Variants in MIER3 observed in about 807,000 individuals in gnomAD.
MIER3 encodes mesoderm induction early response protein 3.
Under a neutral mutation model 63.2 loss-of-function variants are expected in MIER3, and 9 were observed. The ratio of observed to expected loss-of-function variants is 0.14; its 90% CI spans 0.09 to 0.25. The LOEUF (loss-of-function observed/expected upper bound fraction) is 0.25. Among genes scored for constraint, MIER3 ranks in the 10% least tolerant of loss-of-function variants. The pLI, the probability that MIER3 is intolerant of heterozygous loss-of-function variation, is 1.00. For missense variants in MIER3, 512 were observed against 666.2 expected, an observed-to-expected ratio of 0.77 and a Z score of 2.55; for synonymous variants, 205 against 224.9, an observed-to-expected ratio of 0.91 and a Z score of 0.79.
intron 2 of MIER3, among the ~76,000 whole-genome samples, chr5:56,949,654 A>G (rs1750949270): frequency 6.6e-6 from 1 of 152,224 alleles, no homozygotes; most frequent in African/African-American, 2.4e-5. Context: ...GGTGGAGCAG[A>G]TACAAAAAGT....
intron 10 of MIER3, among the ~76,000 whole-genome samples, chr5:56,927,118 CAT>C (rs58623268): frequency 0.095 from 14,461 of 152,106 alleles, 1,019 homozygotes; most frequent in East Asian, 0.35. Flanking sequence ...AAGAATAAAA[CAT>C]GAGATTTTCA....
At chr5:56,937,435 A>G (rs1750485450) in intron 5 of MIER3, 143 bp downstream of exon 5, 1 of 860,248 alleles carries the variant, frequency 1.2e-6, no homozygotes, top group Admixed American at 3.7e-5. Flanking sequence ...GAAAGGTTAT[A>G]ATCTTGTTTA....
chr5:56,950,462 T>C (rs778305699), intron 2 of MIER3, among the ~76,000 whole-genome samples, 166 bp downstream of exon 2: 14 of 152,018 alleles, frequency 9.2e-5, no homozygotes, highest in Non-Finnish European at 1.6e-4. Context: ...CAAAGAACAG[T>C]ATAACTGTTT....
intron 2 of MIER3, 43 bp downstream of exon 2, chr5:56,950,585 T>C (rs375274921): frequency 6.2e-7 from 1 of 1,608,050 alleles, no homozygotes; most frequent in African/African-American, 1.3e-5. Context: ...GAGCCCACAT[T>C]ACCCACTGGG....
intron 8 of MIER3, among the ~76,000 whole-genome samples, chr5:56,931,109 G>A (rs565019733): frequency 6.6e-6 from 1 of 152,252 alleles, no homozygotes; most frequent in South Asian, 2.1e-4. Flanking sequence ...GTCCCTTGAT[G>A]TCATTTCCTC....
chr5:56,923,295 C>T lies in MIER3; in HGVS notation c.1486G>A (p.Val496Ile). The T allele has an allele frequency of 6.2e-7, 1 of 1,614,174 alleles. No individual in the cohort carries two copies. The highest frequency in any genetic ancestry group is 8.5e-7 in the Non-Finnish European group (1 of 1,180,024). ...IAVPESFMNE[V>I]SVNNLGVDFE... ...TCCACACCCAGGTTATTTACAGAAA[C>T]TTCATTCATAAAGGATTCAGGGACG... Residue 496 changes from valine (V) to isoleucine (I), a missense_variant, in exon 13 of 13, where the codon GTT (valine) becomes ATT (isoleucine). Val to Ile is a conservative substitution (Grantham distance 29). Coordinates refer to ENST00000381199, the MANE Select transcript of MIER3 (RefSeq NM_001297599.2).
intron 3 of MIER3, among the ~76,000 whole-genome samples, chr5:56,945,146 AAAAG>A (rs1750785292): frequency 6.6e-6 from 1 of 152,226 alleles, no homozygotes; most frequent in African/African-American, 2.4e-5. Flanking sequence ...ATGTATTAAT[AAAAG>A]TAGAAATAAG....
At position 56,951,137 on chromosome 5, in the gene MIER3, C is replaced by A. The variant is rs1422622988; in HGVS notation, c.10-485G>T. On this transcript the variant is annotated intron_variant, in intron 1 of 12. Coordinates refer to ENST00000381199, the MANE Select transcript of MIER3 (RefSeq NM_001297599.2). Reference sequence around the variant, plus strand: ...CCCAACTCCGAAGCCGATCTCTTCCCCTGCAGCGTAGGCCAGCTCGAATCG... The same window carrying A: ...CCCAACTCCGAAGCCGATCTCTTCCACTGCAGCGTAGGCCAGCTCGAATCG... Among the ~76,000 whole-genome samples, 3 of 152,192 alleles carry A rather than the reference C, an allele frequency of 2.0e-5. No individual in the cohort carries two copies. In the South Asian group the frequency reaches 6.2e-4, roughly 31 times the overall value.
chr5:56,930,664 C>T lies in MIER3; in HGVS notation c.829G>A (p.Glu277Lys), dbSNP rs1329074388. 6.2e-7 allele frequency: 1 copy of T among 1,613,500 alleles called. No individual in the cohort carries two copies. The highest frequency in any genetic ancestry group is 1.7e-5 in the Admixed American group (1 of 60,018). ...RYCCNGKASQ[E>K]GMTAWTEEEC... Reference sequence around the variant, plus strand: ...TCTCTTAAACCCAAGTGTTTCTTACCTTGAGAGGCCTTTCCATTGCAGCAG... The same window carrying T: ...TCTCTTAAACCCAAGTGTTTCTTACTTTGAGAGGCCTTTCCATTGCAGCAG... Residue 277 changes from glutamate to lysine, a missense_variant and splice_region_variant, in exon 9 of 13, where the codon GAA (glutamate) becomes AAA (lysine). Coordinates refer to ENST00000381199, the MANE Select transcript of MIER3 (RefSeq NM_001297599.2).
At position 56,923,405 on chromosome 5, in the gene MIER3, C is replaced by T; in HGVS notation, c.1376G>A (p.Gly459Glu). 6.2e-7 allele frequency: 1 copy of T among 1,614,188 alleles called. No homozygotes were observed. Among genetic ancestry groups the T allele is most frequent in the Non-Finnish European group, 8.5e-7 (1 of 1,180,034 alleles). Residue 459 changes from glycine (G) to glutamate (E), a missense_variant, in exon 13 of 13, where the codon GGA (glycine) becomes GAA (glutamate). By Grantham distance (98) the Gly-to-Glu change is moderately conservative. Around this residue, in one of 5 missense-constraint regions of MIER3, gnomAD observed 218 missense variants for 251.2 expected, o/e 0.87. Transcript: ENST00000381199. The part of the protein sequence containing the change: ...ESDCFNLFET[G>E]FYHSELNPMN... ...AGGGTTTAGCTCCGAGTGATAAAATCCAGTCTCAAATAAATTAAAACAATC... is the reference window on the plus strand; with the variant it reads ...AGGGTTTAGCTCCGAGTGATAAAATTCAGTCTCAAATAAATTAAAACAATC...
chr5:56,940,378 A>G (rs1579856591), intron 3 of MIER3, among the ~76,000 whole-genome samples: 1 of 152,222 alleles, frequency 6.6e-6, no homozygotes, highest in Admixed American at 6.5e-5. Flanking sequence ...TGTGCAAAAC[A>G]TGCCCACAGT....
Position 56,922,663 on chromosome 5 carries a change from G to T in MIER3, c.*465C>A, listed in dbSNP as rs1008613716. ...GCTACATTGAGCAGGGATCGGGATC[G>T]GTACCTGTAAACATTGTTATTCCAC... On this transcript the variant is annotated 3_prime_UTR_variant, in exon 13 of 13. Coordinates refer to ENST00000381199, the MANE Select transcript of MIER3 (RefSeq NM_001297599.2). 2 of 158,688 alleles carry T rather than the reference G, an allele frequency of 1.3e-5. No homozygotes were observed. The highest frequency in any genetic ancestry group is 6.0e-5 in the Admixed American group (1 of 16,736). The allele number at this position is 158,688 out of a possible 1,614,324, so 9.8% of individuals were successfully genotyped here.
chr5:56,935,385 AC>A, intron 7 of MIER3, 42 bp downstream of exon 7: 1 of 1,424,192 alleles, frequency 7.0e-7, no homozygotes, highest in Non-Finnish European at 9.6e-7. Context: ...TCAAGTGGTA[AC>A]CTTATCTACC....
At chr5:56,941,723 T>C (rs1579858286) in intron 3 of MIER3, 1 of 152,164 alleles carries the variant, frequency 6.6e-6, no homozygotes, top group East Asian at 1.9e-4. Flanking sequence ...GGGAGTACCA[T>C]GGCATTATTT....
intron 8 of MIER3, among the ~76,000 whole-genome samples, chr5:56,932,249 G>A (rs903190648): frequency 2.6e-5 from 4 of 152,152 alleles, no homozygotes; most frequent in African/African-American, 9.7e-5. Flanking sequence ...GACAGAGCAA[G>A]ACTCCATCTT....
chr5:56,941,046 G>A, intron 3 of MIER3: 1 of 985,410 alleles, frequency 1.0e-6, no homozygotes, highest in Non-Finnish European at 1.2e-6. Context: ...TCAGTTCTAA[G>A]TGCTTGGCTG....
chr5:56,922,379 C>T lies in MIER3; in HGVS notation c.*749G>A, dbSNP rs1284544907. ...CCAATAAATGAAGTTACACAGAAAT[C>T]TCCTGGCAGTAACATGACCAATTCT... On this transcript the variant is annotated 3_prime_UTR_variant, in exon 13 of 13. Transcript: ENST00000381199. The T allele has an allele frequency of 6.6e-6, 1 of 152,542 alleles. No homozygotes were observed. Among genetic ancestry groups the T allele is most frequent in the Non-Finnish European group, 1.5e-5 (1 of 68,032 alleles). 9.4% of individuals were successfully genotyped at this position (152,542 alleles called of 1,614,324 possible).
At chr5:56,945,881 A>G (rs941023583) in intron 3 of MIER3, among the ~76,000 whole-genome samples, 1 of 152,220 alleles carries the variant, frequency 6.6e-6, no homozygotes, top group Admixed American at 6.5e-5. Flanking sequence ...TAATCAAAAC[A>G]TAATTTAAAA....
intron 3 of MIER3, among the ~76,000 whole-genome samples, chr5:56,942,428 C>T (rs1750678011): frequency 1.3e-5 from 2 of 152,232 alleles, no homozygotes; most frequent in African/African-American, 4.8e-5. Flanking sequence ...TTACTTGATA[C>T]AAGGAATGAA....
Sources: allele counts gnomAD v4.1 joint callset (sites outside exome capture counted in the v4.1 genomes callset), GRCh38; gene constraint gnomAD v4.1.1; regional missense constraint gnomAD v4.1.1; transcripts MANE v1.5; gene names NCBI Gene and HGNC (gene_info 2026-07-23, HGNC 2026-07-21).